Variants in MDN1 observed in about 807,000 individuals in gnomAD.
MDN1 encodes midasin AAA ATPase 1.
In MDN1, 266 loss-of-function variants were observed where a neutral mutation model predicts 669.2. The ratio of observed to expected loss-of-function variants is 0.40; its 90% confidence interval spans 0.36 to 0.44. The LOEUF (loss-of-function observed/expected upper bound fraction) is 0.44, where lower values mean the gene tolerates loss of function less well. Ranked by LOEUF, MDN1 falls within the 20% of genes least tolerant of loss-of-function variation. The pLI is 1.00. For synonymous variants in MDN1, 2,385 were observed against 2,457.1 expected, an observed-to-expected ratio of 0.97 and a Z score of 0.87; for missense variants, 5,940 against 6,754.0, an observed-to-expected ratio of 0.88 and a Z score of 4.22.
intron 53 of MDN1, among the ~76,000 whole-genome samples, chr6:89,705,512 C>T (rs907221611): frequency 2.7e-5 from 4 of 150,814 alleles, no homozygotes; most frequent in African/African-American, 9.8e-5. Context: ...AACAGGTGAG[C>T]GAATAAAAAA....
chr6:89,688,846 G>T, intron 65 of MDN1, 38 bp from the exon 66 acceptor site: 1 of 1,537,456 alleles, frequency 6.5e-7, no homozygotes, highest in Non-Finnish European at 9.0e-7. Flanking sequence ...AGTGAATTCA[G>T]TAAGTTGATC....
chr6:89,697,566 C>G (rs1812849963), intron 59 of MDN1, among the ~76,000 whole-genome samples: 1 of 151,836 alleles, frequency 6.6e-6, no homozygotes, highest in African/African-American at 2.4e-5. Flanking sequence ...CAATAATAAA[C>G]TGACGCTGAA....
chr6:89,647,448 G>T (rs1808561834), intron 99 of MDN1, among the ~76,000 whole-genome samples: 1 of 152,196 alleles, frequency 6.6e-6, no homozygotes, highest in Non-Finnish European at 1.5e-5. Context: ...TGGCCCAGCT[G>T]ATAAGGGTAT....
At chr6:89,652,869 G>T in intron 94 of MDN1, 123 bp downstream of exon 94, 1 of 1,034,646 alleles carries the variant, frequency 9.7e-7, no homozygotes. Flanking sequence ...ATAAGAACAT[G>T]AAACCCCTCA....
intron 59 of MDN1, 83 bp from the exon 60 acceptor site, chr6:89,696,657 AAC>A: frequency 9.5e-7 from 1 of 1,053,604 alleles, no homozygotes; most frequent in South Asian, 1.4e-5. Flanking sequence ...AGAGGAAAGA[AAC>A]AGACAGTTCA....
At chr6:89,789,654 C>T in intron 7 of MDN1, 126 bp downstream of exon 7, 7 of 1,135,214 alleles carry the variant, frequency 6.2e-6, no homozygotes, top group Non-Finnish European at 7.4e-6. Context: ...CATGAAGTAC[C>T]TGCAACATAG....
chr6:89,706,216 G>A (rs769918375), intron 52 of MDN1, 24 bp from the exon 53 acceptor site: 1 of 1,596,922 alleles, frequency 6.3e-7, no homozygotes, highest in Non-Finnish European at 8.5e-7. Flanking sequence ...TAAATAAAAT[G>A]AGAACATTTC....
chr6:89,666,228 A>G (rs1473533915), intron 84 of MDN1, among the ~76,000 whole-genome samples: 1 of 152,216 alleles, frequency 6.6e-6, no homozygotes, highest in Non-Finnish European at 1.5e-5. Context: ...TTTAAACAAA[A>G]AAGAGATCAT....
intron 9 of MDN1, among the ~76,000 whole-genome samples, chr6:89,781,962 C>A (rs372862971): frequency 6.6e-6 from 1 of 151,962 alleles, no homozygotes; most frequent in South Asian, 2.1e-4. Flanking sequence ...CAGAACAAGA[C>A]CCTGTCTCAA....
chr6:89,805,966 C>G, intron 1 of MDN1, among the ~76,000 whole-genome samples: 1 of 151,844 alleles, frequency 6.6e-6, no homozygotes, highest in Non-Finnish European at 1.5e-5. Flanking sequence ...GAGACAAGGT[C>G]TTGGTCTGTC....
rs1400376462 is a variant in MDN1, at chr6:89,643,914, A to AT, written c.*90dup. ...TGTAAAATAAAAATATTACAATAAA[A>AT]TTTTTTGTAGTTGTCCAAAAGGGAG... On this transcript the variant is annotated 3_prime_UTR_variant, in exon 102 of 102. Transcript: ENST00000369393. The AT allele has an allele frequency of 9.0e-7, 1 of 1,107,010 alleles. No individual in the cohort carries two copies. Among genetic ancestry groups the AT allele is most frequent in the South Asian group, 2.0e-5 (1 of 50,448 alleles). 68.6% of individuals were successfully genotyped at this position (1,107,010 alleles called of 1,614,324 possible). A position where few individuals can be genotyped will look rare whatever the true frequency, so the allele number is the denominator to read the frequency against.
At chr6:89,755,471 T>C (rs1817199868) in intron 20 of MDN1, among the ~76,000 whole-genome samples, 1 of 151,976 alleles carries the variant, frequency 6.6e-6, no homozygotes, top group Non-Finnish European at 1.5e-5. Context: ...AACCTAAAAT[T>C]ACAGTACCTG....
intron 55 of MDN1, 27 bp from the exon 56 acceptor site, chr6:89,700,883 T>C: frequency 1.2e-6 from 2 of 1,603,870 alleles, no homozygotes; most frequent in South Asian, 1.1e-5. Context: ...CACAAGAGCA[T>C]ACTATAGAGC....
At chr6:89,777,677 C>G (rs1410905583) in intron 11 of MDN1, among the ~76,000 whole-genome samples, 2 of 152,086 alleles carry the variant, frequency 1.3e-5, no homozygotes, top group Non-Finnish European at 2.9e-5. Context: ...ACACCACTAT[C>G]GTAGAAACTA....
intron 45 of MDN1, 96 bp downstream of exon 45, chr6:89,715,556 GT>G (rs1192279353): frequency 2.6e-6 from 2 of 769,560 alleles, no homozygotes; most frequent in African/African-American, 3.5e-5. Context: ...CCATGATTCA[GT>G]TTATAAATAA....
At position 89,740,515 on chromosome 6, in the gene MDN1, C is replaced by G. The variant is rs926246462; in HGVS notation, c.4449-137G>C. ...TACTTTAGTTAATGGTTTCCTATCACAAATTTTAAAATGACTCACTATCCC... is the reference window on the plus strand; with the variant it reads ...TACTTTAGTTAATGGTTTCCTATCAGAAATTTTAAAATGACTCACTATCCC... On this transcript the variant is annotated intron_variant, in intron 31 of 101. Transcript: ENST00000369393. The G allele has an allele frequency of 4.3e-5, 36 of 842,390 alleles. No individual in the cohort carries two copies. In the African/African-American group the frequency reaches 6.2e-4, roughly 14 times the overall value. The allele number at this position is 842,390 out of a possible 1,614,324, so 52.2% of individuals were successfully genotyped here. A position where few individuals can be genotyped will look rare whatever the true frequency, so the allele number is the denominator to read the frequency against.
At chr6:89,773,530 A>G (rs1490699934) in intron 13 of MDN1, among the ~76,000 whole-genome samples, 1 of 142,044 alleles carries the variant, frequency 7.0e-6, no homozygotes, top group Non-Finnish European at 1.5e-5. Context: ...ACAGAGCAAG[A>G]CTCCATCTCA....
At chr6:89,668,689 T>G (rs1301188164) in intron 83 of MDN1, among the ~76,000 whole-genome samples, 1 of 152,182 alleles carries the variant, frequency 6.6e-6, no homozygotes, top group Non-Finnish European at 1.5e-5. Flanking sequence ...AGGATGGGAA[T>G]GCACAAAAAA....
At chr6:89,743,086 G>C in intron 31 of MDN1, 64 bp downstream of exon 31, 1 of 1,585,806 alleles carries the variant, frequency 6.3e-7, no homozygotes, top group Non-Finnish European at 8.6e-7. Context: ...ACTGTCTCAG[G>C]GAGAAAAAAA....
Sources: gnomAD v4.1 joint callset for allele counts (sites outside exome capture counted in the v4.1 genomes callset) on GRCh38, gnomAD v4.1.1 for gene constraint, MANE v1.5 for transcripts, NCBI Gene and HGNC (gene_info 2026-07-23, HGNC 2026-07-21) for gene names.